CSMD1: variants seen among roughly 807,000 people sequenced by gnomAD.
CSMD1 encodes CUB and Sushi multiple domains 1.
Under a neutral mutation model 417.5 loss-of-function variants are expected in CSMD1, and 213 were observed. That is an observed-to-expected ratio of 0.51 (90% CI 0.46 to 0.57). CSMD1 has a LOEUF of 0.57. Among genes scored for constraint, CSMD1 ranks in the 20% least tolerant of loss-of-function variants. The probability of loss-of-function intolerance (pLI) is 0.00; values close to 1 mark genes in which losing one functional copy is unlikely to be tolerated. For missense variants in CSMD1, 6,923 were observed against 4,529.7 expected (o/e 1.53, Z -15.17); for synonymous variants, 2,862 against 1,736.8 (o/e 1.65, Z -16.11).
chr8:3,739,608 T>C (rs1796692144), intron 6 of CSMD1, among the ~76,000 whole-genome samples: 1 of 152,174 alleles, frequency 6.6e-6, no homozygotes, highest in Non-Finnish European at 1.5e-5. Context: ...ACATTAAGTC[T>C]CTCAAAAGGC....
intron 7 of CSMD1, among the ~76,000 whole-genome samples, chr8:3,669,425 A>T (rs1798871537): frequency 6.6e-6 from 1 of 152,140 alleles, no homozygotes; most frequent in South Asian, 2.1e-4. Context: ...TTTACACTGT[A>T]GTGAGGGACT....
intron 4 of CSMD1, among the ~76,000 whole-genome samples, chr8:4,029,961 G>C (rs1018618791): frequency 1.3e-5 from 2 of 152,178 alleles, no homozygotes; most frequent in African/African-American, 4.8e-5. Flanking sequence ...AAATCTTAAA[G>C]CTCCAAAATC....
At chr8:3,999,848 C>A (rs1815523635) in intron 4 of CSMD1, among the ~76,000 whole-genome samples, 1 of 152,146 alleles carries the variant, frequency 6.6e-6, no homozygotes, top group Non-Finnish European at 1.5e-5. Flanking sequence ...CTGTGACTCC[C>A]ATCCAAAGCA....
At chr8:4,935,304 G>T (rs1263972855) in intron 1 of CSMD1, among the ~76,000 whole-genome samples, 1 of 152,162 alleles carries the variant, frequency 6.6e-6, no homozygotes, top group Non-Finnish European at 1.5e-5. Flanking sequence ...CTGAGCTCAG[G>T]CAGAGGTCTC....
chr8:4,977,921 A>G (rs1244578960), intron 1 of CSMD1, among the ~76,000 whole-genome samples: 3 of 152,220 alleles, frequency 2.0e-5, no homozygotes, highest in South Asian at 2.1e-4. Flanking sequence ...AAGGTGTCCA[A>G]TACCCAAGAC....
chr8:3,266,738 G>A lies in CSMD1; in HGVS notation c.4153+17406C>T, dbSNP rs182319975. Among the ~76,000 whole-genome samples the A allele has an allele frequency of 5.0e-4, 75 of 150,262 alleles. 1 individual carries two copies. The East Asian group carries it at 5.1e-3, about 10-fold the overall frequency. On this transcript the variant is annotated intron_variant, in intron 26 of 69. Transcript: ENST00000635120. ...TGCAGTGAGCTGAGATTATACCACT[G>A]CACTCCAGCCTGGGCGAAAGAGTGA...
intron 1 of CSMD1, among the ~76,000 whole-genome samples, chr8:4,872,462 T>A (rs1323654605): frequency 6.6e-6 from 1 of 152,040 alleles, no homozygotes; most frequent in South Asian, 2.1e-4. Context: ...ATTCCTCCCA[T>A]CACTCAGCAC....
intron 3 of CSMD1, among the ~76,000 whole-genome samples, chr8:4,188,256 T>C (rs921841035): frequency 1.3e-5 from 2 of 152,146 alleles, no homozygotes; most frequent in Admixed American, 6.5e-5. Flanking sequence ...AGCGCACTTT[T>C]GGAGGCCACG....
In CSMD1 at chr8:4,369,320, G is replaced by T. The variant is rs370474963; in HGVS notation, c.415+50633C>A. Among the ~76,000 whole-genome samples, 143 of 152,150 alleles carry T rather than the reference G, an allele frequency of 9.4e-4. 1 individual carries two copies. The highest frequency in any genetic ancestry group is 3.2e-3 in the African/African-American group (131 of 41,550). The stretch of plus-strand genomic sequence containing the variant: ...GTTTTATTTGTGGTTGTTATGAATT[G>T]AATTTTTTTTTAAATTTATTGAGAC... On this transcript the variant is annotated intron_variant, in intron 3 of 69. Transcript: ENST00000635120.
intron 25 of CSMD1, 47 bp from the exon 26 acceptor site, chr8:3,284,393 T>A (rs1442448756): frequency 7.0e-7 from 1 of 1,435,510 alleles, no homozygotes; most frequent in East Asian, 2.3e-5. Context: ...ATCGAGCATG[T>A]CCTGACCCCA....
chr8:3,840,355 C>G (rs2129093750), intron 5 of CSMD1, among the ~76,000 whole-genome samples: 1 of 152,228 alleles, frequency 6.6e-6, no homozygotes, highest in Non-Finnish European at 1.5e-5. Flanking sequence ...CTTGAAAACT[C>G]TAGTGCACAA....
intron 26 of CSMD1, among the ~76,000 whole-genome samples, chr8:3,261,472 C>T (rs186151747): frequency 7.9e-5 from 12 of 152,174 alleles, no homozygotes; most frequent in Non-Finnish European, 1.6e-4. Flanking sequence ...AGAACTTACT[C>T]GTGTAACCAA....
intron 50 of CSMD1, among the ~76,000 whole-genome samples, chr8:3,049,981 T>C (rs1811711448): frequency 1.3e-5 from 2 of 152,148 alleles, no homozygotes; most frequent in Admixed American, 6.5e-5. Flanking sequence ...AAAATAAAAA[T>C]TACATTTTAT....
chr8:4,318,700 T>TTTTTTTTTTTGAG (rs1799085443), intron 3 of CSMD1, among the ~76,000 whole-genome samples: 2 of 97,558 alleles, frequency 2.1e-5, no homozygotes, highest in African/African-American at 6.7e-5. Flanking sequence ...GGCTTAATAT[T>TTTTTTTTTTTGAG]ATTTTAAAAT....
chr8:3,157,421 C>A (rs962579653), intron 39 of CSMD1, among the ~76,000 whole-genome samples: 1 of 152,200 alleles, frequency 6.6e-6, no homozygotes, highest in African/African-American at 2.4e-5. Context: ...ATTGTGCCCC[C>A]AGGAGCGCAT....
At chr8:3,098,241 T>C (rs936472507) in intron 46 of CSMD1, among the ~76,000 whole-genome samples, 5 of 152,230 alleles carry the variant, frequency 3.3e-5, no homozygotes, top group African/African-American at 1.2e-4. Context: ...AAAAGAGCTT[T>C]TGTTAAATTT....
At chr8:3,081,465 TTC>T (rs1416777582) in intron 49 of CSMD1, among the ~76,000 whole-genome samples, 1 of 152,214 alleles carries the variant, frequency 6.6e-6, no homozygotes, top group African/African-American at 2.4e-5. Flanking sequence ...AAAATTATTT[TTC>T]TTTTTTTACA....
At chr8:4,051,087 A>C (rs556930677) in intron 3 of CSMD1, among the ~76,000 whole-genome samples, 10 of 152,176 alleles carry the variant, frequency 6.6e-5, no homozygotes, top group African/African-American at 2.2e-4. Flanking sequence ...GCCCTGAGTT[A>C]CAGCATCTTT....
chr8:2,976,939 A>T (rs1163169130), intron 55 of CSMD1, among the ~76,000 whole-genome samples: 3 of 152,104 alleles, frequency 2.0e-5, no homozygotes, highest in Non-Finnish European at 4.4e-5. Flanking sequence ...CATAAGGATC[A>T]TCTATAATTA....
Sources: allele counts gnomAD v4.1 joint callset (sites outside exome capture counted in the v4.1 genomes callset), GRCh38; gene constraint gnomAD v4.1.1; transcripts MANE v1.5; gene names NCBI Gene and HGNC (gene_info 2026-07-23, HGNC 2026-07-21).